Variants in PIEZO1 observed in about 807,000 individuals in gnomAD.
PIEZO1 encodes the protein piezo type mechanosensitive ion channel component 1 (Er blood group).
Under a neutral mutation model 297.2 loss-of-function variants are expected in PIEZO1, and 296 were observed. The observed-to-expected ratio is 1.00, with a 90% confidence interval of 0.91 to 1.10. The LOEUF is 1.10. Ranked by LOEUF, PIEZO1 falls within the 50% of genes least tolerant of loss-of-function variation. The pLI is 0.00. For missense variants in PIEZO1, 5,018 were observed against 3,455.5 expected, an observed-to-expected ratio of 1.45 and a Z score of -11.34; for synonymous variants, 2,427 against 1,507.5, an observed-to-expected ratio of 1.61 and a Z score of -14.13.
Position 88,756,930 on chromosome 16 carries a change from G to A in PIEZO1, c.65-7451C>T, listed in dbSNP as rs539667670. Among the ~76,000 whole-genome samples, 89 of 150,788 alleles carry A rather than the reference G, an allele frequency of 5.9e-4. 1 individual carries two copies. The South Asian group carries it at 0.018, about 31-fold the overall frequency. The stretch of plus-strand genomic sequence containing the variant: ...TCTCTACTAAAAATACAAAAAAGTA[G>A]CCGGGTGTGGTGGCGGGCACCTGTA... On this transcript the variant is annotated intron_variant, in intron 1 of 50. Coordinates refer to ENST00000301015, the MANE Select transcript of PIEZO1 (RefSeq NM_001142864.4).
At position 88,742,330 on chromosome 16, in the gene PIEZO1, G is replaced by C. The variant is rs775050594; in HGVS notation, c.253C>G (p.Pro85Ala). 37 of 1,535,094 alleles carry C rather than the reference G, an allele frequency of 2.4e-5. No individual in the cohort carries two copies. Among genetic ancestry groups the C allele is most frequent in the Non-Finnish European group, 3.5e-6 (4 of 1,146,486 alleles). ...GGTCCCAGGAGCTGGTCCAGGCGGG[G>C]CACAATATGCAGGCAGATCTGGAGG... The part of the protein sequence containing the change: ...LALQICLHIV[P>A]RLDQLLGPSC... The change falls in exon 3 of 51, where the codon CCC (proline) becomes GCC (alanine). Residue 85 changes from proline to alanine, a missense_variant. Pro to Ala is a conservative substitution (Grantham distance 27). Coordinates refer to ENST00000301015, the MANE Select transcript of PIEZO1 (RefSeq NM_001142864.4).
In PIEZO1 at chr16:88,726,909, G is replaced by C; in HGVS notation, c.3505C>G (p.Leu1169Val). ...GTGACAAACACCACCACCAGCACCA[G>C]CCAGAACAGGTATCGGAAGACGGCC... ...KVAVFRYLFW[L>V]VLVVVFVTGA... The change falls in exon 25 of 51, where the codon CTG (leucine) becomes GTG (valine). Residue 1169 changes from leucine to valine, a missense_variant. Leu to Val is a conservative substitution (Grantham distance 32). Transcript: ENST00000301015. The C allele has an allele frequency of 1.3e-6, 2 of 1,550,476 alleles. No homozygotes were observed. Among genetic ancestry groups the C allele is most frequent in the Non-Finnish European group, 1.7e-6 (2 of 1,146,924 alleles).
chr16:88,747,771 G>C (rs927707919), intron 2 of PIEZO1, among the ~76,000 whole-genome samples: 10 of 152,190 alleles, frequency 6.6e-5, no homozygotes, highest in Admixed American at 1.3e-4. Context: ...CAGGGAAGTC[G>C]GCCTGGATTA....
chr16:88,780,610 A>C (rs1907886359), intron 1 of PIEZO1, among the ~76,000 whole-genome samples: 1 of 152,216 alleles, frequency 6.6e-6, no homozygotes, highest in South Asian at 2.1e-4. Flanking sequence ...TACCACAAGG[A>C]AGGGCAAACT....
rs1193757459 is a variant in PIEZO1 at position 88,733,667 on chromosome 16, T to C, written c.2408A>G (p.Gln803Arg). Residue 803 changes from glutamine (Q) to arginine (R), a missense_variant, in exon 18 of 51, where the codon CAG becomes CGG. Gln to Arg is a conservative substitution (Grantham distance 43, BLOSUM62 1). Transcript: ENST00000301015. ...AGFSDVLSRV[Q>R]VFLRRLLELH... ...CTCCAGCAGCCGCCGCAGGAACACCTGCACGCGTGAGAGGACGTCCGAGAA... is the reference window on the plus strand; with the variant it reads ...CTCCAGCAGCCGCCGCAGGAACACCCGCACGCGTGAGAGGACGTCCGAGAA... 1 of 1,549,712 alleles carries C rather than the reference T, an allele frequency of 6.5e-7. No homozygotes were observed. Among genetic ancestry groups the C allele is most frequent in the African/African-American group, 1.4e-5 (1 of 73,144 alleles).
chr16:88,738,599 C>T lies in PIEZO1; in HGVS notation c.603G>A (p.Arg201=). The change falls in exon 6 of 51, where the codon CGG becomes CGA. Residue 201 remains arginine (R), a synonymous_variant. Transcript: ENST00000301015. ...TAHWLLVAAG[R]VLAVTLLALA... ...GTGCAAGCAGTGTTACGGCCAGGAC[C>T]CGCCCAGCCGCCACCAGCAGCCAGT... 7 of 1,535,570 alleles carry T rather than the reference C, an allele frequency of 4.6e-6. No homozygotes were observed. Among genetic ancestry groups the T allele is most frequent in the Non-Finnish European group, 6.1e-6 (7 of 1,146,692 alleles).
chr16:88,736,434 C>A (rs1310785040), intron 11 of PIEZO1, 26 bp from the exon 12 acceptor site: 1 of 1,521,578 alleles, frequency 6.6e-7, no homozygotes, highest in East Asian at 2.5e-5. Flanking sequence ...GGCTGCACAG[C>A]TGCCCAGCGC....
At chr16:88,769,068 C>G (rs2911464) in intron 1 of PIEZO1, among the ~76,000 whole-genome samples, 8,324 of 152,284 alleles carry the variant, frequency 0.055, 285 homozygotes, top group Middle Eastern at 0.1. Flanking sequence ...GCCCCTCATC[C>G]AAAGGGGCCA....
chr16:88,736,786 CT>C lies in PIEZO1; in HGVS notation c.1196-48del, dbSNP rs538886309. The C allele has an allele frequency of 5.3e-4, 663 of 1,257,244 alleles. 6 individuals are homozygous for C. The African/African-American group carries it at 7.7e-3, about 15-fold the overall frequency. The allele number at this position is 1,257,244 out of a possible 1,614,324, so 77.9% of individuals were successfully genotyped here. A position where few individuals can be genotyped will look rare whatever the true frequency, so the allele number is the denominator to read the frequency against. ...AGCTTCGGCAGGTTGATCTGCAGGC[CT>C]CCCCACCCTGACTATGCCCTAAAAT... On this transcript the variant is annotated intron_variant, in intron 10 of 50. Coordinates refer to ENST00000301015, the MANE Select transcript of PIEZO1 (RefSeq NM_001142864.4).
intron 27 of PIEZO1, 182 bp downstream of exon 27, chr16:88,726,102 G>C (rs1232443362): frequency 1.6e-6 from 1 of 608,248 alleles, no homozygotes. Context: ...CCAGCACTGG[G>C]GCAGAGTGTG....
At chr16:88,745,367 G>T (rs761434045) in intron 2 of PIEZO1, 1 of 152,256 alleles carries the variant, frequency 6.6e-6, no homozygotes, top group African/African-American at 2.4e-5. Flanking sequence ...CAACCCATCC[G>T]CTGCCTGCCG....
chr16:88,722,189 G>A (rs1904284340), intron 36 of PIEZO1, 29 bp downstream of exon 36: 2 of 1,538,320 alleles, frequency 1.3e-6, no homozygotes, highest in East Asian at 4.9e-5. Flanking sequence ...GCCATGGTGA[G>A]GCTGGTGTTG....
Position 88,785,052 on chromosome 16 carries a change from G to T in PIEZO1, c.-88C>A. On this transcript the variant is annotated 5_prime_UTR_variant, in exon 1 of 51. Transcript: ENST00000301015. Reference sequence around the variant, plus strand: ...GGGGCCCCGGGGCCGGCGCGCCATGGCTGACCCGCGGGGACCCGCGCGCCG... The same window carrying T: ...GGGGCCCCGGGGCCGGCGCGCCATGTCTGACCCGCGGGGACCCGCGCGCCG... 1.3e-6 allele frequency: 1 copy of T among 791,408 alleles called. No individual in the cohort carries two copies. Among genetic ancestry groups the T allele is most frequent in the Non-Finnish European group, 1.7e-6 (1 of 604,172 alleles). The allele number at this position is 791,408 out of a possible 1,614,324, so 49.0% of individuals were successfully genotyped here.
chr16:88,752,229 TC>T (rs1322849302), intron 1 of PIEZO1, among the ~76,000 whole-genome samples: 1 of 152,166 alleles, frequency 6.6e-6, no homozygotes, highest in East Asian at 1.9e-4. Context: ...AGGCCTGTAA[TC>T]CCAGCACTTT....
intron 44 of PIEZO1, 28 bp from the exon 45 acceptor site, chr16:88,717,239 C>T (rs1255284425): frequency 3.3e-6 from 5 of 1,536,212 alleles, no homozygotes; most frequent in Admixed American, 3.9e-5. Context: ...AGGTCATACG[C>T]TCAGCTCTGC....
chr16:88,726,509 T>G, intron 26 of PIEZO1, 38 bp downstream of exon 26: 1 of 1,546,046 alleles, frequency 6.5e-7, no homozygotes. Flanking sequence ...GCAGGGGGCT[T>G]CCCCACGCCC....
chr16:88,716,171 T>C (rs1341767497), intron 49 of PIEZO1, 27 bp downstream of exon 49: 8 of 1,514,992 alleles, frequency 5.3e-6, no homozygotes, highest in Non-Finnish European at 6.2e-6. Flanking sequence ...CTCTCTAGCC[T>C]CCCCCAACCC....
chr16:88,778,992 G>T (rs1370479136), intron 1 of PIEZO1, among the ~76,000 whole-genome samples: 2 of 151,344 alleles, frequency 1.3e-5, no homozygotes, highest in African/African-American at 4.9e-5. Flanking sequence ...GAGGACAGAG[G>T]TTCAAAGGGT....
intron 2 of PIEZO1, among the ~76,000 whole-genome samples, chr16:88,749,172 G>A (rs1292710649): frequency 2.0e-5 from 3 of 151,736 alleles, no homozygotes; most frequent in South Asian, 2.1e-4. Context: ...CCTGGGAGGC[G>A]AAGCCTGCAG....
Sources: gnomAD v4.1 joint callset for allele counts (sites outside exome capture counted in the v4.1 genomes callset) on GRCh38, gnomAD v4.1.1 for gene constraint, MANE v1.5 for transcripts, NCBI Gene and HGNC (gene_info 2026-07-23, HGNC 2026-07-21) for gene names.